The following TMEM132B variants were observed in gnomAD, a reference collection of about 807,000 sequenced individuals.
TMEM132B encodes the protein transmembrane protein 132B.
A neutral mutation model predicts 90.8 loss-of-function variants in TMEM132B; 18 were observed. The observed-to-expected ratio is 0.20, with a 90% confidence interval of 0.14 to 0.29. The LOEUF (loss-of-function observed/expected upper bound fraction) is 0.29, where lower values mean the gene tolerates loss of function less well. Among genes scored for constraint, TMEM132B ranks in the 10% least tolerant of loss-of-function variants. TMEM132B has a pLI of 1.00. For missense variants in TMEM132B, 1,096 were observed against 1,326.8 expected (o/e 0.83, Z 2.70); for synonymous variants, 504 against 523.3 (o/e 0.96, Z 0.50).
chr12:125,661,484 G>A lies in TMEM132B; in HGVS notation c.*6774G>A, dbSNP rs1337806026. The A allele has an allele frequency of 2.0e-5, 3 of 152,216 alleles. No individual in the cohort carries two copies. Among genetic ancestry groups the A allele is most frequent in the African/African-American group, 7.2e-5 (3 of 41,448 alleles). 9.4% of individuals were successfully genotyped at this position (152,216 alleles called of 1,614,324 possible). A position where few individuals can be genotyped will look rare whatever the true frequency, so the allele number is the denominator to read the frequency against. On this transcript the variant is annotated 3_prime_UTR_variant, in exon 9 of 9. Transcript: ENST00000682704. ...TTGCCATCTCAGTTGCTGCAGTGCAGTGAATTACCCCAGAGCCACCAGTTC... is the reference window on the plus strand; with the variant it reads ...TTGCCATCTCAGTTGCTGCAGTGCAATGAATTACCCCAGAGCCACCAGTTC...
At chr12:125,293,109 A>C (rs1339465868) in intron 1 of TMEM132B, among the ~76,000 whole-genome samples, 5 of 152,186 alleles carry the variant, frequency 3.3e-5, no homozygotes, top group African/African-American at 9.7e-5. Context: ...TGCCATTGAC[A>C]TAATGGAGAC....
chr12:125,237,297 C>T (rs1207342789), intron 1 of TMEM132B, among the ~76,000 whole-genome samples: 1 of 152,088 alleles, frequency 6.6e-6, no homozygotes, highest in Non-Finnish European at 1.5e-5. Context: ...ACTGGCTCAC[C>T]CTGGATCCTT....
intron 1 of TMEM132B, among the ~76,000 whole-genome samples, chr12:125,215,473 T>A (rs1377660056): frequency 2.0e-5 from 3 of 152,224 alleles, no homozygotes; most frequent in African/African-American, 7.2e-5. Context: ...CAGCATAGTA[T>A]GTTCTCTTTG....
intron 3 of TMEM132B, among the ~76,000 whole-genome samples, chr12:125,440,493 G>T (rs1880838580): frequency 6.6e-6 from 1 of 152,134 alleles, no homozygotes; most frequent in Admixed American, 6.5e-5. Flanking sequence ...TGATGAATTT[G>T]ATGCATTTTG....
At chr12:125,285,742 C>A (rs971476029) in intron 1 of TMEM132B, among the ~76,000 whole-genome samples, 1 of 152,176 alleles carries the variant, frequency 6.6e-6, no homozygotes, top group Admixed American at 6.5e-5. Context: ...GAGGGAGACC[C>A]CAGGTCTGGC....
intron 3 of TMEM132B, among the ~76,000 whole-genome samples, chr12:125,507,058 A>G (rs775220392): frequency 2.6e-5 from 4 of 152,252 alleles, no homozygotes; most frequent in Admixed American, 1.3e-4. Flanking sequence ...GGTAATGCAG[A>G]AGCCCATAGA....
chr12:125,656,762 C>T lies in TMEM132B; in HGVS notation c.*2052C>T, dbSNP rs1253609564. The T allele has an allele frequency of 6.6e-6, 1 of 152,246 alleles. No individual in the cohort carries two copies. Among genetic ancestry groups the T allele is most frequent in the Non-Finnish European group, 1.5e-5 (1 of 68,060 alleles). The allele number at this position is 152,246 out of a possible 1,614,324, so 9.4% of individuals were successfully genotyped here. Reference sequence around the variant, plus strand: ...GCCAACCATCCAGGACCGAAGAAAGCTCATGTGCTGATTGACACATAGCTA... The same window carrying T: ...GCCAACCATCCAGGACCGAAGAAAGTTCATGTGCTGATTGACACATAGCTA... On this transcript the variant is annotated 3_prime_UTR_variant, in exon 9 of 9. Transcript: ENST00000682704.
At chr12:125,520,473 A>G (rs849346) in intron 4 of TMEM132B, among the ~76,000 whole-genome samples, 73,915 of 151,892 alleles carry the variant, frequency 0.49, 18,215 homozygotes, top group East Asian at 0.59. Context: ...TTTGAACCCT[A>G]TATCTTAGAA....
intron 2 of TMEM132B, among the ~76,000 whole-genome samples, chr12:125,390,858 G>A (rs529355542): frequency 6.6e-6 from 1 of 152,294 alleles, no homozygotes; most frequent in South Asian, 2.1e-4. Flanking sequence ...CAGCAAAAAT[G>A]CTCTTGAATT....
chr12:125,623,261 A>G (rs1272377849), intron 5 of TMEM132B, among the ~76,000 whole-genome samples: 1 of 152,230 alleles, frequency 6.6e-6, no homozygotes, highest in Non-Finnish European at 1.5e-5. Flanking sequence ...TGCCAAAATG[A>G]AAACATCCTA....
intron 3 of TMEM132B, among the ~76,000 whole-genome samples, chr12:125,464,542 G>A (rs1354609335): frequency 3.3e-5 from 5 of 152,172 alleles, no homozygotes; most frequent in Admixed American, 6.5e-5. Context: ...GGGTTGGGGA[G>A]CTGTCACCCT....
At chr12:125,461,490 C>G (rs530320221) in intron 3 of TMEM132B, among the ~76,000 whole-genome samples, 1 of 152,354 alleles carries the variant, frequency 6.6e-6, no homozygotes, top group Admixed American at 6.5e-5. Flanking sequence ...TCAGCTTCAG[C>G]TGATAGTTGC....
intron 1 of TMEM132B, among the ~76,000 whole-genome samples, chr12:125,321,720 C>T (rs1471892504): frequency 6.6e-6 from 1 of 152,066 alleles, no homozygotes; most frequent in East Asian, 1.9e-4. Context: ...TCAGGTGATC[C>T]ACCCACCTTG....
intron 7 of TMEM132B, among the ~76,000 whole-genome samples, chr12:125,651,180 G>A (rs1886907721): frequency 1.3e-5 from 2 of 152,156 alleles, no homozygotes; most frequent in Non-Finnish European, 2.9e-5. Context: ...GTATTTTAGA[G>A]GCTTTAGAAA....
At chr12:125,276,768 G>A (rs550024928) in intron 1 of TMEM132B, among the ~76,000 whole-genome samples, 1 of 152,322 alleles carries the variant, frequency 6.6e-6, no homozygotes, top group East Asian at 1.9e-4. Context: ...GACAGCTGGT[G>A]CAGTAACAAC....
At chr12:125,446,623 A>G (rs1448161091) in intron 3 of TMEM132B, among the ~76,000 whole-genome samples, 1 of 152,240 alleles carries the variant, frequency 6.6e-6, no homozygotes, top group Non-Finnish European at 1.5e-5. Flanking sequence ...GAAGACTACA[A>G]GAGATGAAGA....
intron 1 of TMEM132B, among the ~76,000 whole-genome samples, chr12:125,208,496 C>T (rs1873236093): frequency 6.6e-6 from 1 of 152,242 alleles, no homozygotes; most frequent in African/African-American, 2.4e-5. Flanking sequence ...CTTTGTGTCT[C>T]TCCAGATTTG....
At chr12:125,641,305 A>G (rs1445941415) in intron 5 of TMEM132B, among the ~76,000 whole-genome samples, 4 of 152,216 alleles carry the variant, frequency 2.6e-5, no homozygotes, top group Non-Finnish European at 5.9e-5. Context: ...TGGGGTTACA[A>G]ATAACTTTTA....
rs148854487 is a variant in TMEM132B, at chr12:125,621,593, A to G, written c.1438-22483A>G. The stretch of plus-strand genomic sequence containing the variant: ...CTAGCATGTGGTCATAGTAGACATC[A>G]TTAATCAATCCCAGCACTCCTTCAT... On this transcript the variant is annotated intron_variant, in intron 5 of 8. Coordinates refer to ENST00000682704, the MANE Select transcript of TMEM132B (RefSeq NM_001366854.1). 1.7e-4 allele frequency among the ~76,000 whole-genome samples: 26 copies of G among 152,326 alleles called. No homozygotes were observed. The South Asian group carries it at 3.5e-3, about 21-fold the overall frequency.
Sources: gnomAD v4.1 joint callset for allele counts (sites outside exome capture counted in the v4.1 genomes callset) on GRCh38, gnomAD v4.1.1 for gene constraint, MANE v1.5 for transcripts, NCBI Gene and HGNC (gene_info 2026-07-23, HGNC 2026-07-21) for gene names.